CACNA2D1: variants seen among roughly 807,000 people sequenced by gnomAD.
CACNA2D1 encodes the protein calcium voltage-gated channel auxiliary subunit alpha2delta 1.
In CACNA2D1, 53 loss-of-function variants were observed where a neutral mutation model predicts 171.5. That is an observed-to-expected ratio of 0.31 (90% CI 0.25 to 0.39). CACNA2D1 has a LOEUF of 0.39. Ranked by LOEUF, CACNA2D1 falls within the 10% of genes least tolerant of loss-of-function variation. The probability of loss-of-function intolerance (pLI) is 1.00; values close to 1 mark genes in which losing one functional copy is unlikely to be tolerated. For missense variants in CACNA2D1, 903 were observed against 1,299.8 expected (o/e 0.69, Z 4.69); for synonymous variants, 442 against 443.1 (o/e 1.00, Z 0.03).
At chr7:82,297,143 TG>T (rs1400032865) in intron 3 of CACNA2D1, among the ~76,000 whole-genome samples, 2 of 144,780 alleles carry the variant, frequency 1.4e-5, no homozygotes, top group Non-Finnish European at 3.0e-5. Flanking sequence ...GCTAATCAGG[TG>T]GCTGAGGCAG....
At chr7:82,219,090 T>C (rs1365882882) in intron 3 of CACNA2D1, among the ~76,000 whole-genome samples, 1 of 152,108 alleles carries the variant, frequency 6.6e-6, no homozygotes, top group East Asian at 1.9e-4. Context: ...ACTTGTACAG[T>C]GGTATAGCCT....
intron 11 of CACNA2D1, 22 bp from the exon 12 acceptor site, chr7:82,032,923 A>C (rs1204319939): frequency 8.4e-7 from 1 of 1,189,652 alleles, no homozygotes; most frequent in African/African-American, 1.5e-5. Flanking sequence ...AAAACCAAAC[A>C]AAACAATATG....
chr7:82,254,508 A>G (rs1477495469), intron 3 of CACNA2D1, among the ~76,000 whole-genome samples: 1 of 152,114 alleles, frequency 6.6e-6, no homozygotes, highest in African/African-American at 2.4e-5. Flanking sequence ...TACATCCATC[A>G]TCACATATGG....
intron 7 of CACNA2D1, among the ~76,000 whole-genome samples, chr7:82,083,764 C>T (rs1810097239): frequency 6.6e-6 from 1 of 152,118 alleles, no homozygotes; most frequent in South Asian, 2.1e-4. Context: ...AATTTGAGTA[C>T]CATTCAGTCC....
intron 1 of CACNA2D1, among the ~76,000 whole-genome samples, chr7:82,439,372 A>G (rs544448797): frequency 2.6e-4 from 40 of 152,018 alleles, no homozygotes; most frequent in African/African-American, 8.9e-4. Context: ...AGTTTTATCA[A>G]TGTTGGAGAA....
intron 4 of CACNA2D1, among the ~76,000 whole-genome samples, chr7:82,152,203 GA>G (rs1793929500): frequency 6.6e-6 from 1 of 151,818 alleles, no homozygotes; most frequent in Admixed American, 6.6e-5. Flanking sequence ...TAAATGATAT[GA>G]AAACCACATT....
chr7:82,262,479 A>G (rs1807252424), intron 3 of CACNA2D1, among the ~76,000 whole-genome samples: 1 of 152,198 alleles, frequency 6.6e-6, no homozygotes, highest in African/African-American at 2.4e-5. Flanking sequence ...TACACTTGAA[A>G]AATTAAACAT....
intron 25 of CACNA2D1, among the ~76,000 whole-genome samples, chr7:81,973,408 G>A (rs941837117): frequency 6.6e-6 from 1 of 152,046 alleles, no homozygotes; most frequent in African/African-American, 2.4e-5. Flanking sequence ...ACTAATCTGT[G>A]CTAAAGTGAA....
At chr7:81,977,314 G>A (rs1795955348) in intron 24 of CACNA2D1, among the ~76,000 whole-genome samples, 1 of 152,144 alleles carries the variant, frequency 6.6e-6, no homozygotes. Flanking sequence ...GTAATCATGT[G>A]GTTTTTGTCA....
chr7:82,165,236 G>C (rs35376191), intron 4 of CACNA2D1, among the ~76,000 whole-genome samples: 49,553 of 151,740 alleles, frequency 0.33, 9,747 homozygotes, highest in East Asian at 0.51. Context: ...AGAGGAGAGG[G>C]AAGGAAGAGA....
chr7:81,969,128 G>T (rs916752563), intron 28 of CACNA2D1, among the ~76,000 whole-genome samples, 155 bp from the exon 29 acceptor site: 1 of 151,168 alleles, frequency 6.6e-6, no homozygotes, highest in Non-Finnish European at 1.5e-5. Context: ...CTCTTCTTCC[G>T]TTGTATACAC....
intron 25 of CACNA2D1, among the ~76,000 whole-genome samples, chr7:81,973,150 G>A (rs922178119): frequency 3.3e-5 from 5 of 152,044 alleles, no homozygotes; most frequent in Admixed American, 1.3e-4. Flanking sequence ...AGGAATATGA[G>A]AGTGTTTCAT....
At chr7:81,987,556 G>A (rs1339359244) in intron 21 of CACNA2D1, among the ~76,000 whole-genome samples, 1 of 152,150 alleles carries the variant, frequency 6.6e-6, no homozygotes, top group Non-Finnish European at 1.5e-5. Context: ...CTTGGATCAA[G>A]ACTTAAGAAG....
chr7:81,968,735 G>T, intron 29 of CACNA2D1, 152 bp downstream of exon 29: 1 of 579,766 alleles, frequency 1.7e-6, no homozygotes, highest in Non-Finnish European at 3.1e-6. Flanking sequence ...GAGGTAACTA[G>T]TCATATTTTA....
At chr7:82,381,622 T>A (rs941767768) in intron 1 of CACNA2D1, among the ~76,000 whole-genome samples, 1 of 152,226 alleles carries the variant, frequency 6.6e-6, no homozygotes, top group Non-Finnish European at 1.5e-5. Context: ...CCTGCAGTTA[T>A]GAATCTTCAA....
intron 3 of CACNA2D1, among the ~76,000 whole-genome samples, chr7:82,310,895 G>A (rs929111723): frequency 1.8e-4 from 28 of 152,084 alleles, no homozygotes; most frequent in African/African-American, 6.3e-4. Flanking sequence ...AAAATTTTAA[G>A]TTGTAAATTA....
intron 3 of CACNA2D1, among the ~76,000 whole-genome samples, chr7:82,251,758 C>T (rs1805670759): frequency 6.6e-6 from 1 of 152,118 alleles, no homozygotes; most frequent in South Asian, 2.1e-4. Flanking sequence ...ATTAGAATAA[C>T]TCCCAATTAG....
intron 1 of CACNA2D1, among the ~76,000 whole-genome samples, chr7:82,439,500 T>C (rs1048523007): frequency 6.6e-6 from 1 of 151,784 alleles, no homozygotes; most frequent in African/African-American, 2.4e-5. Context: ...ATTTATTAAA[T>C]TAAATTAATG....
At chr7:82,370,328 T>A (rs1430628793) in intron 1 of CACNA2D1, among the ~76,000 whole-genome samples, 1 of 151,956 alleles carries the variant, frequency 6.6e-6, no homozygotes, top group African/African-American at 2.4e-5. Flanking sequence ...AGGTTAAGTA[T>A]GAAATTTTGG....
Sources: gnomAD v4.1 joint callset for allele counts (sites outside exome capture counted in the v4.1 genomes callset) on GRCh38, gnomAD v4.1.1 for gene constraint, MANE v1.5 for transcripts, NCBI Gene and HGNC (gene_info 2026-07-23, HGNC 2026-07-21) for gene names.